Variants in TRPC7 observed in about 807,000 individuals in gnomAD.
TRPC7 encodes transient receptor potential cation channel subfamily C member 7, also known as short transient receptor potential channel 7.
TRPC7 carries 42 observed loss-of-function variants against 90.1 expected under a neutral mutation model. The ratio of observed to expected loss-of-function variants is 0.47; its 90% CI spans 0.36 to 0.60. The LOEUF (loss-of-function observed/expected upper bound fraction) is 0.60. Among genes scored for constraint, TRPC7 ranks in the 20% least tolerant of loss-of-function variants. TRPC7 has a pLI of 0.00. For synonymous variants in TRPC7, 451 were observed against 436.3 expected (o/e 1.03, Z -0.42); for missense variants, 955 against 1,112.3 (o/e 0.86, Z 2.01).
intron 11 of TRPC7, 44 bp downstream of exon 11, chr5:136,216,156 G>T: frequency 6.6e-7 from 1 of 1,523,196 alleles, no homozygotes. Context: ...CACAGAACCT[G>T]TGTTGTTTTA....
rs1316090061 is a variant in TRPC7 at position 136,226,146 on chromosome 5, G to A, written c.2150C>T (p.Ser717Leu). Residue 717 changes from serine to leucine, a missense_variant, in exon 9 of 12, where the codon TCA becomes TTA. Ser to Leu is a moderately radical substitution (Grantham distance 145). Coordinates refer to ENST00000513104, the MANE Select transcript of TRPC7 (RefSeq NM_020389.3). The part of the protein sequence containing the change: ...APFNLVPSPK[S>L]FYYLIMRIKM... Reference sequence around the variant, plus strand: ...GATTCTCATTATGAGATAATAAAATGATTTAGGACTTGGCACTAGATTAAA... The same window carrying A: ...GATTCTCATTATGAGATAATAAAATAATTTAGGACTTGGCACTAGATTAAA... The A allele has an allele frequency of 4.4e-6, 7 of 1,577,822 alleles. No individual in the cohort carries two copies. The East Asian group carries it at 1.6e-4, about 36-fold the overall frequency.
intron 7 of TRPC7, among the ~76,000 whole-genome samples, chr5:136,236,047 T>C (rs1178858283): frequency 1.3e-5 from 2 of 152,246 alleles, no homozygotes; most frequent in African/African-American, 4.8e-5. Context: ...GAAGATTAAA[T>C]GGGCAACCTA....
intron 7 of TRPC7, among the ~76,000 whole-genome samples, chr5:136,238,413 G>T (rs1405649032): frequency 6.6e-6 from 1 of 152,122 alleles, no homozygotes; most frequent in Non-Finnish European, 1.5e-5. Flanking sequence ...TTTGTCAATG[G>T]ATGATGGAAC....
chr5:136,309,646 C>T (rs1321094974), intron 3 of TRPC7, among the ~76,000 whole-genome samples: 1 of 152,178 alleles, frequency 6.6e-6, no homozygotes, highest in Non-Finnish European at 1.5e-5. Context: ...CACACAATTG[C>T]TGGAGTGCAA....
chr5:136,302,100 T>C (rs191992053), intron 3 of TRPC7, among the ~76,000 whole-genome samples: 1 of 152,334 alleles, frequency 6.6e-6, no homozygotes, highest in African/African-American at 2.4e-5. Flanking sequence ...TTCCTTTCAT[T>C]TTCTGGTAGA....
intron 2 of TRPC7, among the ~76,000 whole-genome samples, chr5:136,353,818 CA>C (rs1051901176): frequency 1.3e-5 from 2 of 152,182 alleles, no homozygotes; most frequent in Non-Finnish European, 2.9e-5. Context: ...GATTTTTCAT[CA>C]CGTTACTGGT....
intron 6 of TRPC7, among the ~76,000 whole-genome samples, chr5:136,248,353 A>G (rs994131491): frequency 6.6e-6 from 1 of 152,204 alleles, no homozygotes; most frequent in African/African-American, 2.4e-5. Context: ...AGGACTGTGG[A>G]GAGGATGAAA....
intron 2 of TRPC7, among the ~76,000 whole-genome samples, chr5:136,345,326 C>T (rs563955053): frequency 3.6e-4 from 55 of 152,172 alleles, no homozygotes; most frequent in Admixed American, 1.3e-4. Flanking sequence ...GAGGCCGAGG[C>T]GGGCAGATCA....
chr5:136,298,948 G>C (rs1447843844), intron 3 of TRPC7, among the ~76,000 whole-genome samples: 1 of 152,084 alleles, frequency 6.6e-6, no homozygotes, highest in African/African-American at 2.4e-5. Context: ...ACTATGCCTG[G>C]CTTGTTCATG....
rs530903221 is a variant in TRPC7 at position 136,311,424 on chromosome 5, G to A, written c.963+4173C>T. On this transcript the variant is annotated intron_variant, in intron 3 of 11. Transcript: ENST00000513104. Reference sequence around the variant, plus strand: ...GCACTGACCACATGGCAGACACTGGGGTCCCTTCATAACTGCAGCCTGAGT... The same window carrying A: ...GCACTGACCACATGGCAGACACTGGAGTCCCTTCATAACTGCAGCCTGAGT... Among the ~76,000 whole-genome samples the A allele has an allele frequency of 7.2e-4, 109 of 152,320 alleles. 3 individuals are homozygous for A. In the South Asian group the frequency reaches 0.022, roughly 30 times the overall value.
intron 2 of TRPC7, among the ~76,000 whole-genome samples, chr5:136,348,220 A>G (rs536238026): frequency 2.0e-4 from 30 of 152,186 alleles, no homozygotes; most frequent in Non-Finnish European, 4.1e-4. Context: ...TTACACGGCC[A>G]CTAATGGCAA....
intron 1 of TRPC7, among the ~76,000 whole-genome samples, chr5:136,361,112 A>G (rs902215427): frequency 3.9e-5 from 6 of 152,046 alleles, no homozygotes; most frequent in Non-Finnish European, 8.8e-5. Context: ...GCCCTGATGA[A>G]CTCTGGAGAT....
chr5:136,304,519 C>G (rs940158664), intron 3 of TRPC7, among the ~76,000 whole-genome samples: 4 of 152,170 alleles, frequency 2.6e-5, no homozygotes, highest in African/African-American at 7.2e-5. Flanking sequence ...CTGCTATCCT[C>G]AATACCTCCC....
intron 2 of TRPC7, among the ~76,000 whole-genome samples, chr5:136,341,594 A>C (rs973000799): frequency 1.1e-4 from 17 of 152,238 alleles, no homozygotes; most frequent in African/African-American, 3.4e-4. Context: ...AAGGAAGAGG[A>C]GCTTACTTCT....
chr5:136,333,543 G>T (rs560276982), intron 2 of TRPC7, among the ~76,000 whole-genome samples: 1 of 152,328 alleles, frequency 6.6e-6, no homozygotes, highest in Admixed American at 6.5e-5. Flanking sequence ...ATCATGGTCT[G>T]ATTTATATTG....
rs542603130 is a variant in TRPC7 at position 136,251,827 on chromosome 5, C to T, written c.1401G>A (p.Val467=). The part of the protein sequence containing the change: ...EIWEEGPREY[V]LHLWNLLDFG... ...AATCTAGCAGGTTCCACAAGTGCAG[C>T]ACGTACTCCCGTGGCCCCTCCTCCC... The change falls in exon 6 of 12, where the codon GTG becomes GTA. Residue 467 remains valine, a synonymous_variant. Transcript: ENST00000513104. 1.7e-5 allele frequency: 28 copies of T among 1,613,898 alleles called. No homozygotes were observed. In the Admixed American group the frequency reaches 2.8e-4, roughly 16 times the overall value.
rs774995886 is a variant in TRPC7 at position 136,225,329 on chromosome 5, C to T, written c.2288G>A (p.Arg763Lys). 5.0e-6 allele frequency: 8 copies of T among 1,612,808 alleles called. No homozygotes were observed. The highest frequency in any genetic ancestry group is 1.7e-5 in the Admixed American group (1 of 59,878). ...FKKTRYQAGM[R>K]NSENLTANNT... is the part of the protein sequence containing the mutation. The stretch of plus-strand genomic sequence containing the variant: ...ATTTGCTGTCAGATTTTCAGAATTC[C>T]TCATGCCAGCCTGGTAGCGAGTCTT... The change falls in exon 10 of 12, where the codon AGG becomes AAG. Residue 763 changes from arginine (R) to lysine (K), a missense_variant. By Grantham distance (26) the Arg-to-Lys change is conservative (BLOSUM62 2). Transcript: ENST00000513104.
At chr5:136,309,833 A>G (rs1256672913) in intron 3 of TRPC7, among the ~76,000 whole-genome samples, 1 of 152,226 alleles carries the variant, frequency 6.6e-6, no homozygotes, top group Non-Finnish European at 1.5e-5. Context: ...ACAATGTAAC[A>G]GCCTATCTTG....
At chr5:136,329,172 G>GT (rs751743183) in intron 2 of TRPC7, among the ~76,000 whole-genome samples, 20 of 151,520 alleles carry the variant, frequency 1.3e-4, no homozygotes, top group Non-Finnish European at 2.4e-4. Context: ...TCTGCTTGTT[G>GT]TTTTTTTAAC....
Sources: gnomAD v4.1 joint callset for allele counts (sites outside exome capture counted in the v4.1 genomes callset) on GRCh38, gnomAD v4.1.1 for gene constraint, MANE v1.5 for transcripts, NCBI Gene and HGNC (gene_info 2026-07-23, HGNC 2026-07-21) for gene names.